CERS6: variants seen among roughly 807,000 people sequenced by gnomAD.
CERS6 encodes ceramide synthase 6.
In CERS6, 26 loss-of-function variants were observed where a neutral mutation model predicts 56.8. The ratio of observed to expected loss-of-function variants is 0.46; its 90% confidence interval spans 0.34 to 0.63. The LOEUF (loss-of-function observed/expected upper bound fraction) is 0.63. Ranked by LOEUF, CERS6 falls within the 30% of genes least tolerant of loss-of-function variation. The pLI is 0.01. For missense variants in CERS6, 415 were observed against 467.5 expected (o/e 0.89, Z 1.04); for synonymous variants, 164 against 173.3 (o/e 0.95, Z 0.42).
At chr2:168,610,532 G>A (rs1684162562) in intron 3 of CERS6, among the ~76,000 whole-genome samples, 1 of 152,136 alleles carries the variant, frequency 6.6e-6, no homozygotes. Flanking sequence ...TTATTTGGTA[G>A]ATATTTTCCA....
At chr2:168,677,534 G>A (rs1264434105) in intron 4 of CERS6, among the ~76,000 whole-genome samples, 1 of 152,024 alleles carries the variant, frequency 6.6e-6, no homozygotes, top group Admixed American at 6.5e-5. Context: ...TTTCACTCTT[G>A]TTGCCCAGGC....
chr2:168,693,118 A>C (rs946182285), intron 5 of CERS6, among the ~76,000 whole-genome samples: 2 of 152,182 alleles, frequency 1.3e-5, no homozygotes, highest in Admixed American at 6.6e-5. Context: ...AACCTTGTAC[A>C]GCTTGGTATA....
At chr2:168,498,922 C>T (rs1694528560) in intron 1 of CERS6, among the ~76,000 whole-genome samples, 1 of 152,150 alleles carries the variant, frequency 6.6e-6, no homozygotes, top group South Asian at 2.1e-4. Context: ...TTCCCCCCCA[C>T]ATCTCGTTAT....
chr2:168,582,238 C>T (rs1455966179), intron 3 of CERS6, among the ~76,000 whole-genome samples: 2 of 152,100 alleles, frequency 1.3e-5, no homozygotes, highest in African/African-American at 4.8e-5. Context: ...TAATATCCTC[C>T]ACATTAGGTA....
chr2:168,741,131 T>C (rs921775111), intron 8 of CERS6, among the ~76,000 whole-genome samples: 45 of 152,290 alleles, frequency 3.0e-4, no homozygotes, highest in African/African-American at 1.1e-3. Context: ...CAAATTCTAG[T>C]TCTACCATTC....
intron 4 of CERS6, among the ~76,000 whole-genome samples, chr2:168,660,447 T>C (rs1685600912): frequency 1.3e-5 from 2 of 152,336 alleles, no homozygotes; most frequent in South Asian, 2.1e-4. Flanking sequence ...GAAGTTGTAA[T>C]GCTTTGTCAC....
At chr2:168,510,107 AC>A (rs1378106362) in intron 1 of CERS6, among the ~76,000 whole-genome samples, 1 of 151,332 alleles carries the variant, frequency 6.6e-6, no homozygotes, top group Non-Finnish European at 1.5e-5. Flanking sequence ...AAAAAAAAAA[AC>A]CAAGTTATCT....
chr2:168,631,841 AT>A (rs1365179826), intron 4 of CERS6, among the ~76,000 whole-genome samples: 2 of 131,656 alleles, frequency 1.5e-5, no homozygotes, highest in East Asian at 4.6e-4. Context: ...TATATATTAT[AT>A]AATATATATT....
At chr2:168,710,289 T>C (rs1029990636) in intron 6 of CERS6, among the ~76,000 whole-genome samples, 2 of 152,374 alleles carry the variant, frequency 1.3e-5, no homozygotes, top group African/African-American at 4.8e-5. Flanking sequence ...AATCAATTTA[T>C]ATTTATTCAT....
intron 4 of CERS6, among the ~76,000 whole-genome samples, 159 bp downstream of exon 4, chr2:168,631,201 G>A (rs537355857): frequency 4.9e-4 from 74 of 150,212 alleles, no homozygotes; most frequent in Admixed American, 1.6e-3. Context: ...AAAATATTTC[G>A]GATGTTGCTA....
intron 8 of CERS6, among the ~76,000 whole-genome samples, chr2:168,725,086 C>A (rs1302450402): frequency 6.6e-6 from 1 of 152,262 alleles, no homozygotes; most frequent in East Asian, 1.9e-4. Context: ...AGCGCAGCGC[C>A]AGTGGGCTGG....
At chr2:168,734,058 GT>G (rs1336453205) in intron 8 of CERS6, among the ~76,000 whole-genome samples, 1 of 152,094 alleles carries the variant, frequency 6.6e-6, no homozygotes, top group Non-Finnish European at 1.5e-5. Flanking sequence ...CTTGCTAAAA[GT>G]TTTAGAGCTA....
chr2:168,551,510 A>G (rs1695570884), intron 2 of CERS6, among the ~76,000 whole-genome samples: 1 of 152,138 alleles, frequency 6.6e-6, no homozygotes. Flanking sequence ...TCTTTGAATA[A>G]CCGTCTCACA....
At chr2:168,674,769 G>T (rs1026989730) in intron 4 of CERS6, among the ~76,000 whole-genome samples, 1 of 152,094 alleles carries the variant, frequency 6.6e-6, no homozygotes, top group Admixed American at 6.5e-5. Flanking sequence ...TCAGAGACGG[G>T]TTTTTTTCTT....
intron 4 of CERS6, among the ~76,000 whole-genome samples, chr2:168,676,168 G>T (rs1686054631): frequency 6.6e-6 from 1 of 152,202 alleles, no homozygotes; most frequent in African/African-American, 2.4e-5. Context: ...AAAGGTAGAT[G>T]TATCTTAATG....
intron 1 of CERS6, among the ~76,000 whole-genome samples, chr2:168,522,654 C>T (rs912773873): frequency 6.6e-6 from 1 of 152,016 alleles, no homozygotes; most frequent in Non-Finnish European, 1.5e-5. Context: ...AGTTTCATTC[C>T]CCTCCCACTG....
chr2:168,641,454 C>T (rs1449227434), intron 4 of CERS6, among the ~76,000 whole-genome samples: 1 of 152,162 alleles, frequency 6.6e-6, no homozygotes, highest in African/African-American at 2.4e-5. Flanking sequence ...CACTGCCCCA[C>T]ATATTCCTGT....
At chr2:168,470,924 A>G (rs1693965144) in intron 1 of CERS6, among the ~76,000 whole-genome samples, 1 of 151,696 alleles carries the variant, frequency 6.6e-6, no homozygotes, top group Non-Finnish European at 1.5e-5. Flanking sequence ...TTTAATGAGA[A>G]CAGTGCTAGG....
At chr2:168,676,684 G>A (rs557833235) in intron 4 of CERS6, among the ~76,000 whole-genome samples, 2 of 152,236 alleles carry the variant, frequency 1.3e-5, no homozygotes, top group East Asian at 1.9e-4. Flanking sequence ...TCAAAATGGC[G>A]CTCTATGAAA....
Sources: gnomAD v4.1 joint callset for allele counts (sites outside exome capture counted in the v4.1 genomes callset) on GRCh38, gnomAD v4.1.1 for gene constraint, MANE v1.5 for transcripts, NCBI Gene and HGNC (gene_info 2026-07-23, HGNC 2026-07-21) for gene names.